Variants in PTPRD observed in about 807,000 individuals in gnomAD.
PTPRD encodes receptor-type tyrosine-protein phosphatase delta.
In PTPRD, 34 loss-of-function variants were observed where a neutral mutation model predicts 214.5. That is an observed-to-expected ratio of 0.16 (90% CI 0.12 to 0.21). The LOEUF is 0.21. Among genes scored for constraint, PTPRD ranks in the 10% least tolerant of loss-of-function variants. The pLI, the probability that PTPRD is intolerant of heterozygous loss-of-function variation, is 1.00. For missense variants in PTPRD, 2,545 were observed against 2,398.7 expected, an observed-to-expected ratio of 1.06 and a Z score of -1.27; for synonymous variants, 1,128 against 845.7, an observed-to-expected ratio of 1.33 and a Z score of -5.79.
chr9:9,253,700 C>G (rs1012784743), intron 9 of PTPRD, among the ~76,000 whole-genome samples: 5 of 152,108 alleles, frequency 3.3e-5, no homozygotes, highest in African/African-American at 9.7e-5. Flanking sequence ...TCGTAGTCCT[C>G]TTTCCTTTGG....
chr9:10,423,816 A>C (rs1477029989), intron 2 of PTPRD, among the ~76,000 whole-genome samples: 1 of 151,984 alleles, frequency 6.6e-6, no homozygotes, highest in Non-Finnish European at 1.5e-5. Context: ...AGACATGGTG[A>C]TTTCCACTGC....
chr9:9,707,105 T>C (rs1374716897), intron 7 of PTPRD, among the ~76,000 whole-genome samples: 1 of 152,202 alleles, frequency 6.6e-6, no homozygotes, highest in African/African-American at 2.4e-5. Flanking sequence ...AACAATGGCA[T>C]ATGTACGTCT....
chr9:9,850,400 C>A (rs1311722999), intron 5 of PTPRD, among the ~76,000 whole-genome samples: 1 of 152,056 alleles, frequency 6.6e-6, no homozygotes, highest in African/African-American at 2.4e-5. Flanking sequence ...TGGTTTTCTA[C>A]TTAGTTAACT....
intron 14 of PTPRD, 125 bp from the exon 15 acceptor site, chr9:8,528,904 C>T (rs1168851979): frequency 1.2e-6 from 1 of 862,456 alleles, no homozygotes; most frequent in African/African-American, 1.7e-5. Context: ...AAACCAGGCA[C>T]TAATAAATTA....
chr9:9,453,659 C>T (rs1319176280), intron 8 of PTPRD, among the ~76,000 whole-genome samples: 1 of 151,584 alleles, frequency 6.6e-6, no homozygotes, highest in African/African-American at 2.4e-5. Flanking sequence ...CTGTTCTCTT[C>T]AATAGCTTAC....
chr9:10,568,050 T>G (rs1041487898), intron 2 of PTPRD, among the ~76,000 whole-genome samples: 14 of 151,952 alleles, frequency 9.2e-5, no homozygotes, highest in Middle Eastern at 3.2e-3. Flanking sequence ...TGTGCCATGT[T>G]GGTGTGCTGC....
intron 3 of PTPRD, among the ~76,000 whole-genome samples, chr9:10,160,966 G>T (rs1432893199): frequency 6.6e-6 from 1 of 151,812 alleles, no homozygotes; most frequent in Non-Finnish European, 1.5e-5. Flanking sequence ...AATCCCATTT[G>T]CAGTAGCTAC....
At chr9:9,199,175 T>C (rs2132210166) in intron 9 of PTPRD, among the ~76,000 whole-genome samples, 1 of 152,286 alleles carries the variant, frequency 6.6e-6, no homozygotes, top group East Asian at 1.9e-4. Context: ...GAATGACTAG[T>C]TGCACCTAGG....
At chr9:8,604,848 G>A (rs1435660498) in intron 14 of PTPRD, among the ~76,000 whole-genome samples, 1 of 152,130 alleles carries the variant, frequency 6.6e-6, no homozygotes, top group Non-Finnish European at 1.5e-5. Flanking sequence ...GAAAATGGGA[G>A]AGAAAATAAG....
At chr9:8,469,660 A>G (rs1033725887) in intron 31 of PTPRD, among the ~76,000 whole-genome samples, 1 of 152,042 alleles carries the variant, frequency 6.6e-6, no homozygotes, top group African/African-American at 2.4e-5. Context: ...TTGTTCCTTC[A>G]CCATCAAAAC....
chr9:8,530,268 C>G (rs1475187970), intron 14 of PTPRD, among the ~76,000 whole-genome samples: 3 of 152,024 alleles, frequency 2.0e-5, no homozygotes, highest in Non-Finnish European at 4.4e-5. Context: ...CTAGCAAAGT[C>G]CTTTTCAATC....
chr9:9,603,230 G>T (rs1563990987), intron 7 of PTPRD, among the ~76,000 whole-genome samples: 2 of 152,262 alleles, frequency 1.3e-5, no homozygotes, highest in Admixed American at 1.3e-4. Context: ...ATAGCTTTAT[G>T]TTGTCCATAC....
intron 10 of PTPRD, among the ~76,000 whole-genome samples, chr9:9,091,635 T>C (rs1355598086): frequency 2.6e-5 from 4 of 152,214 alleles, no homozygotes; most frequent in Admixed American, 2.6e-4. Flanking sequence ...GAATGAGAAG[T>C]AAGTGAACAG....
chr9:8,903,915 G>T (rs551486226), intron 11 of PTPRD, among the ~76,000 whole-genome samples: 3 of 152,214 alleles, frequency 2.0e-5, no homozygotes, highest in Admixed American at 1.3e-4. Context: ...TTGAAAAATG[G>T]CTCAAGGCAG....
At chr9:10,222,682 C>T (rs1302761446) in intron 3 of PTPRD, among the ~76,000 whole-genome samples, 1 of 151,974 alleles carries the variant, frequency 6.6e-6, no homozygotes, top group African/African-American at 2.4e-5. Flanking sequence ...ATCAGTGGCT[C>T]ATCGAGGTAA....
At chr9:10,146,168 T>TATATATAC (rs397976434) in intron 3 of PTPRD, among the ~76,000 whole-genome samples, 3 of 150,734 alleles carry the variant, frequency 2.0e-5, no homozygotes, top group African/African-American at 7.3e-5. Flanking sequence ...TATATATATA[T>TATATATAC]GTATATGCCT....
intron 3 of PTPRD, among the ~76,000 whole-genome samples, chr9:10,163,054 G>C (rs2099138749): frequency 6.6e-6 from 1 of 150,820 alleles, no homozygotes; most frequent in Non-Finnish European, 1.5e-5. Context: ...AACACACAAA[G>C]AGGGGGAAAG....
At chr9:8,520,534 T>C (rs961472146) in intron 20 of PTPRD, among the ~76,000 whole-genome samples, 12 of 152,144 alleles carry the variant, frequency 7.9e-5, no homozygotes, top group African/African-American at 2.9e-4. Context: ...GTTCTAGCCA[T>C]CTGCAGAAAA....
At chr9:8,659,516 G>A (rs2096986952) in intron 12 of PTPRD, among the ~76,000 whole-genome samples, 1 of 152,098 alleles carries the variant, frequency 6.6e-6, no homozygotes, top group Admixed American at 6.5e-5. Context: ...CTCCATCCAG[G>A]AATATATCTT....
Sources: gnomAD v4.1 joint callset for allele counts (sites outside exome capture counted in the v4.1 genomes callset) on GRCh38, gnomAD v4.1.1 for gene constraint, MANE v1.5 for transcripts, NCBI Gene and HGNC (gene_info 2026-07-23, HGNC 2026-07-21) for gene names.